Variants in RTF1 observed in about 807,000 individuals in gnomAD.
The protein encoded by RTF1 is RTF1 homolog, Paf1/RNA polymerase II complex component.
In RTF1, 10 loss-of-function variants were observed where a neutral mutation model predicts 95.7. The observed-to-expected ratio is 0.10, with a 90% CI of 0.06 to 0.18. The LOEUF (loss-of-function observed/expected upper bound fraction) is 0.18, where lower values mean the gene tolerates loss of function less well. RTF1 is among the 10% of genes least tolerant of loss of function. RTF1 has a pLI of 1.00. For synonymous variants in RTF1, 305 were observed against 311.8 expected (o/e 0.98, Z 0.23); for missense variants, 458 against 875.6 (o/e 0.52, Z 6.02).
At position 41,433,843 on chromosome 15, in the gene RTF1, C is replaced by CTT. The variant is rs11326489; in HGVS notation, c.199-4458_199-4457dup. On this transcript the variant is annotated intron_variant, in intron 1 of 17. Coordinates refer to ENST00000389629, the MANE Select transcript of RTF1 (RefSeq NM_015138.5). ...TTTATTGTTGTTGTTTGCTACCACA[C>CTT]TTTTTTTTTTTTTTTTTTTTTGATG... 1.3e-4 allele frequency among the ~76,000 whole-genome samples: 17 copies of CTT among 126,078 alleles called. No individual in the cohort carries two copies. The East Asian group carries it at 2.2e-3, about 17-fold the overall frequency. 82.7% of individuals were successfully genotyped at this position (126,078 alleles called of 152,430 possible).
intron 1 of RTF1, among the ~76,000 whole-genome samples, chr15:41,427,085 C>T (rs2050638336): frequency 6.6e-6 from 1 of 150,826 alleles, no homozygotes. Context: ...CGTGATCCAC[C>T]CACCTTGGCC....
chr15:41,471,855 T>G (rs754019004), intron 8 of RTF1, among the ~76,000 whole-genome samples: 21 of 152,014 alleles, frequency 1.4e-4, no homozygotes, highest in Non-Finnish European at 2.6e-4. Context: ...CTTTGGGATT[T>G]ATTTATTTAT....
At chr15:41,445,768 C>T (rs1328686662) in intron 2 of RTF1, among the ~76,000 whole-genome samples, 1 of 146,014 alleles carries the variant, frequency 6.8e-6, no homozygotes, top group East Asian at 2.0e-4. Flanking sequence ...CAGAGTCTTG[C>T]TCTATCAAGA....
At chr15:41,443,823 T>G (rs1436657974) in intron 2 of RTF1, among the ~76,000 whole-genome samples, 1 of 151,958 alleles carries the variant, frequency 6.6e-6, no homozygotes, top group Non-Finnish European at 1.5e-5. Flanking sequence ...ATCTCAGCAC[T>G]TTGGGAGGCC....
Position 41,481,541 on chromosome 15 carries a change from C to T in RTF1, c.*854C>T, listed in dbSNP as rs2050975256. 6.6e-6 allele frequency: 1 copy of T among 152,612 alleles called. No homozygotes were observed. The highest frequency in any genetic ancestry group is 1.5e-5 in the Non-Finnish European group (1 of 68,054). The allele number at this position is 152,612 out of a possible 1,614,324, so 9.5% of individuals were successfully genotyped here. ...GGAGAAAACTCCCCAGTTTAGCCCC[C>T]TGACCTGCAGGCTGTGTCCTGGCAG... On this transcript the variant is annotated 3_prime_UTR_variant, in exon 18 of 18. Transcript: ENST00000389629.
chr15:41,426,393 C>A (rs938441457), intron 1 of RTF1, among the ~76,000 whole-genome samples: 12 of 151,764 alleles, frequency 7.9e-5, no homozygotes, highest in African/African-American at 2.9e-4. Flanking sequence ...GCAACCTCCC[C>A]CTCCTGGATT....
intron 11 of RTF1, among the ~76,000 whole-genome samples, chr15:41,476,137 A>C (rs369438438): frequency 2.0e-4 from 31 of 152,266 alleles, no homozygotes; most frequent in South Asian, 1.9e-3. Context: ...TTCCTTTTCT[A>C]AAACATCTTG....
chr15:41,459,066 C>T (rs1365348792), intron 4 of RTF1, among the ~76,000 whole-genome samples: 1 of 145,046 alleles, frequency 6.9e-6, no homozygotes, highest in African/African-American at 2.6e-5. Flanking sequence ...AGGGAGATTC[C>T]GTCTCAAAAA....
intron 1 of RTF1, among the ~76,000 whole-genome samples, chr15:41,433,951 T>G (rs1425984724): frequency 1.3e-5 from 2 of 151,136 alleles, no homozygotes; most frequent in Admixed American, 6.6e-5. Context: ...GTTCAAGCAA[T>G]TCTTCTGCCT....
At chr15:41,420,459 C>T (rs757339573) in intron 1 of RTF1, among the ~76,000 whole-genome samples, 5 of 152,150 alleles carry the variant, frequency 3.3e-5, no homozygotes, top group Non-Finnish European at 5.9e-5. Context: ...CTAATGCATT[C>T]TGGATCTTTC....
At position 41,460,992 on chromosome 15, in the gene RTF1, C is replaced by T. The variant is rs554213321; in HGVS notation, c.662+3116C>T. Among the ~76,000 whole-genome samples the T allele has an allele frequency of 2.6e-5, 4 of 151,378 alleles. No individual in the cohort carries two copies. The South Asian group carries it at 8.3e-4, about 32-fold the overall frequency. On this transcript the variant is annotated intron_variant, in intron 4 of 17. Transcript: ENST00000389629. ...ACCAGGTTCAGTGATTCTCCTGCCT[C>T]AGCCTCCTGTGTAGCTGGGATTACA... is the stretch of plus-strand genomic sequence containing the variant.
At chr15:41,459,308 A>G (rs1175217283) in intron 4 of RTF1, among the ~76,000 whole-genome samples, 1 of 150,278 alleles carries the variant, frequency 6.7e-6, no homozygotes, top group Non-Finnish European at 1.5e-5. Context: ...CCCGGAATGT[A>G]GAGTTTGCAA....
intron 4 of RTF1, among the ~76,000 whole-genome samples, chr15:41,464,256 C>T (rs1013672502): frequency 1.4e-5 from 2 of 140,706 alleles, no homozygotes; most frequent in Non-Finnish European, 3.1e-5. Context: ...CTTTCTCTCT[C>T]TTTTTTTTTT....
At chr15:41,474,394 G>A (rs2050931620) in intron 8 of RTF1, among the ~76,000 whole-genome samples, 1 of 152,146 alleles carries the variant, frequency 6.6e-6, no homozygotes, top group Non-Finnish European at 1.5e-5. Flanking sequence ...GGGCCCCATC[G>A]GGCTCCTCTT....
intron 1 of RTF1, among the ~76,000 whole-genome samples, chr15:41,423,815 C>T (rs1008165050): frequency 6.6e-6 from 1 of 152,002 alleles, no homozygotes. Flanking sequence ...TGCAGTGGGA[C>T]GATCTCAGCT....
In RTF1 at chr15:41,481,553, C is replaced by G. The variant is rs552403943; in HGVS notation, c.*866C>G. 1 of 152,696 alleles carries G rather than the reference C, an allele frequency of 6.5e-6. No homozygotes were observed. The highest frequency in any genetic ancestry group is 2.1e-4 in the South Asian group (1 of 4,826). The allele number at this position is 152,696 out of a possible 1,614,324, so 9.5% of individuals were successfully genotyped here. On this transcript the variant is annotated 3_prime_UTR_variant, in exon 18 of 18. Coordinates refer to ENST00000389629, the MANE Select transcript of RTF1 (RefSeq NM_015138.5). ...CCAGTTTAGCCCCCTGACCTGCAGG[C>G]TGTGTCCTGGCAGGTGTGGGAGGGA...
intron 7 of RTF1, 72 bp from the exon 8 acceptor site, chr15:41,471,100 T>C: frequency 7.1e-7 from 1 of 1,414,994 alleles, no homozygotes; most frequent in South Asian, 1.4e-5. Context: ...TTTTGAGGAG[T>C]TGATATTATT....
intron 4 of RTF1, among the ~76,000 whole-genome samples, chr15:41,461,893 C>T (rs973571559): frequency 6.6e-6 from 1 of 151,582 alleles, no homozygotes; most frequent in Non-Finnish European, 1.5e-5. Flanking sequence ...GCGTGAGCCA[C>T]CTCTCCTGGC....
At chr15:41,417,449 C>G (rs1336685860) in intron 1 of RTF1, 136 bp downstream of exon 1, 1 of 718,030 alleles carries the variant, frequency 1.4e-6, no homozygotes, top group Non-Finnish European at 1.9e-6. Context: ...CACTACAGCC[C>G]CTTTCCCGTC....
Sources: gnomAD v4.1 joint callset for allele counts (sites outside exome capture counted in the v4.1 genomes callset) on GRCh38, gnomAD v4.1.1 for gene constraint, MANE v1.5 for transcripts, NCBI Gene and HGNC (gene_info 2026-07-23, HGNC 2026-07-21) for gene names.